The following PRKCA variants were observed in gnomAD, a reference collection of about 807,000 sequenced individuals.
PRKCA encodes the protein protein kinase C alpha, also known as protein kinase C alpha type.
A neutral mutation model predicts 87.0 loss-of-function variants in PRKCA; 27 were observed. The ratio of observed to expected loss-of-function variants is 0.31; its 90% CI spans 0.23 to 0.43. The LOEUF (loss-of-function observed/expected upper bound fraction) is 0.43. Ranked by LOEUF, PRKCA falls within the 20% of genes least tolerant of loss-of-function variation. The probability of loss-of-function intolerance (pLI) is 1.00; values close to 1 mark genes in which losing one functional copy is unlikely to be tolerated. For synonymous variants in PRKCA, 329 were observed against 311.1 expected (o/e 1.06, Z -0.61); for missense variants, 518 against 852.3 (o/e 0.61, Z 4.88).
At chr17:66,529,621 A>G (rs1967472118) in intron 3 of PRKCA, among the ~76,000 whole-genome samples, 1 of 152,176 alleles carries the variant, frequency 6.6e-6, no homozygotes, top group African/African-American at 2.4e-5. Context: ...TTTTCTCCAC[A>G]GGTAAAATGA....
chr17:66,471,673 A>G (rs1298574336), intron 2 of PRKCA, among the ~76,000 whole-genome samples: 2 of 139,176 alleles, frequency 1.4e-5, no homozygotes, highest in Non-Finnish European at 3.0e-5. Flanking sequence ...TGCATCTGGG[A>G]TATAAAGCAA....
chr17:66,735,692 G>T (rs756187804), intron 10 of PRKCA, 30 bp downstream of exon 10: 13 of 1,603,878 alleles, frequency 8.1e-6, no homozygotes, highest in South Asian at 1.1e-5. Flanking sequence ...CTGCGATGCA[G>T]TACCCAGCTC....
At chr17:66,470,638 T>A (rs1165281234) in intron 2 of PRKCA, among the ~76,000 whole-genome samples, 1 of 152,148 alleles carries the variant, frequency 6.6e-6, no homozygotes, top group Non-Finnish European at 1.5e-5. Flanking sequence ...CACGTGTCAA[T>A]GCAGTTCAGA....
chr17:66,654,418 T>G (rs940258003), intron 5 of PRKCA, among the ~76,000 whole-genome samples: 33 of 110,424 alleles, frequency 3.0e-4, no homozygotes, highest in Admixed American at 6.4e-4. Context: ...GCTATCATCA[T>G]CACCAGCAGC....
At chr17:66,507,218 T>C (rs569458003) in intron 3 of PRKCA, among the ~76,000 whole-genome samples, 1 of 152,348 alleles carries the variant, frequency 6.6e-6, no homozygotes, top group East Asian at 1.9e-4. Flanking sequence ...AAATAGTCAC[T>C]TCAGCGGATA....
chr17:66,787,058 G>T, intron 15 of PRKCA, 84 bp downstream of exon 15: 1 of 1,066,864 alleles, frequency 9.4e-7, no homozygotes, highest in Non-Finnish European at 1.5e-6. Flanking sequence ...TAAGAGAGAT[G>T]GCAGAAACAC....
At chr17:66,440,024 C>G in intron 2 of PRKCA, among the ~76,000 whole-genome samples, 1 of 152,124 alleles carries the variant, frequency 6.6e-6, no homozygotes, top group South Asian at 2.1e-4. Context: ...ATATATTCAT[C>G]CTAAATAAGG....
intron 3 of PRKCA, among the ~76,000 whole-genome samples, chr17:66,562,623 G>A (rs1968750994): frequency 6.6e-6 from 1 of 151,610 alleles, no homozygotes; most frequent in Admixed American, 6.6e-5. Context: ...TTTTGGCAGA[G>A]TCTCACTGAG....
At chr17:66,642,502 A>G (rs1308787884) in intron 4 of PRKCA, among the ~76,000 whole-genome samples, 1 of 152,194 alleles carries the variant, frequency 6.6e-6, no homozygotes, top group East Asian at 1.9e-4. Flanking sequence ...CCTTTAGGAC[A>G]TGAAAAGTTA....
At chr17:66,596,570 CCTTT>C (rs1483683490) in intron 3 of PRKCA, among the ~76,000 whole-genome samples, 1 of 98,786 alleles carries the variant, frequency 1.0e-5, no homozygotes, top group Admixed American at 1.1e-4. Flanking sequence ...AAATATTAAA[CCTTT>C]TTTTTTTTTT....
chr17:66,625,467 A>G (rs1208479239), intron 3 of PRKCA, among the ~76,000 whole-genome samples: 1 of 152,248 alleles, frequency 6.6e-6, no homozygotes, highest in Admixed American at 6.5e-5. Flanking sequence ...GTGGAATTAA[A>G]AGGTATCTGT....
chr17:66,619,762 A>G (rs568924425), intron 3 of PRKCA, among the ~76,000 whole-genome samples: 4 of 152,288 alleles, frequency 2.6e-5, no homozygotes, highest in East Asian at 3.9e-4. Flanking sequence ...TAAGAAGTGT[A>G]TTATCTTCCC....
rs974338966 is a variant in PRKCA at position 66,302,725 on chromosome 17, C to T, written c.-127C>T. 1.7e-6 allele frequency: 1 copy of T among 603,198 alleles called. No homozygotes were observed. The highest frequency in any genetic ancestry group is 2.0e-5 in the African/African-American group (1 of 49,290). 37.4% of individuals were successfully genotyped at this position (603,198 alleles called of 1,614,324 possible). On this transcript the variant is annotated 5_prime_UTR_variant, in exon 1 of 17. Coordinates refer to ENST00000413366, the MANE Select transcript of PRKCA (RefSeq NM_002737.3). ...CCGCCGCGCCCCCTCGCCGCGACCT[C>T]GGCCACCGGCCCGCGCCCCGCGCCC...
chr17:66,620,060 C>T (rs1192764868), intron 3 of PRKCA, among the ~76,000 whole-genome samples: 2 of 152,148 alleles, frequency 1.3e-5, no homozygotes, highest in Non-Finnish European at 2.9e-5. Context: ...GTAACATAGA[C>T]CCATAAGCAC....
chr17:66,796,657 TG>T, intron 16 of PRKCA: 1 of 985,378 alleles, frequency 1.0e-6, no homozygotes, highest in Non-Finnish European at 1.2e-6. Flanking sequence ...ACCCCTTTGC[TG>T]GATAGCTCCT....
intron 2 of PRKCA, among the ~76,000 whole-genome samples, chr17:66,308,851 G>A (rs1030296935): frequency 2.0e-5 from 3 of 151,756 alleles, no homozygotes; most frequent in African/African-American, 4.8e-5. Flanking sequence ...TCTGACTATC[G>A]TAGAGTGAAG....
At chr17:66,436,367 C>T (rs1913393977) in intron 2 of PRKCA, among the ~76,000 whole-genome samples, 1 of 152,146 alleles carries the variant, frequency 6.6e-6, no homozygotes, top group East Asian at 1.9e-4. Context: ...GCAACCTTGA[C>T]CAAATGAACC....
intron 2 of PRKCA, among the ~76,000 whole-genome samples, chr17:66,321,785 C>T (rs1175617502): frequency 1.3e-5 from 2 of 152,082 alleles, no homozygotes; most frequent in African/African-American, 4.8e-5. Context: ...CTCGGGTGAT[C>T]CACCCGCCTC....
intron 2 of PRKCA, 64 bp downstream of exon 2, chr17:66,306,191 A>G (rs1904806065): frequency 7.0e-7 from 1 of 1,436,646 alleles, no homozygotes; most frequent in Admixed American, 1.9e-5. Flanking sequence ...AAACAAGAAC[A>G]TTATTTCCAG....
Sources: gnomAD v4.1 joint callset for allele counts (sites outside exome capture counted in the v4.1 genomes callset) on GRCh38, gnomAD v4.1.1 for gene constraint, MANE v1.5 for transcripts, NCBI Gene and HGNC (gene_info 2026-07-23, HGNC 2026-07-21) for gene names.